Variants in HMBOX1 observed in about 807,000 individuals in gnomAD.
HMBOX1 encodes the protein homeobox containing 1.
In HMBOX1, 14 loss-of-function variants were observed where a neutral mutation model predicts 54.5. That is an observed-to-expected ratio of 0.26 (90% CI 0.17 to 0.40). The LOEUF (loss-of-function observed/expected upper bound fraction) is 0.40. HMBOX1 is among the 10% of genes least tolerant of loss of function. The probability of loss-of-function intolerance (pLI) is 1.00; values close to 1 mark genes in which losing one functional copy is unlikely to be tolerated. For synonymous variants in HMBOX1, 160 were observed against 181.0 expected (o/e 0.88, Z 0.93); for missense variants, 332 against 514.4 (o/e 0.65, Z 3.43).
intron 5 of HMBOX1, among the ~76,000 whole-genome samples, chr8:29,011,271 C>T (rs1834188138): frequency 1.3e-5 from 2 of 152,012 alleles, no homozygotes; most frequent in South Asian, 2.1e-4. Context: ...CTAATATTGC[C>T]GCATATTAAG....
chr8:28,970,029 CTCT>C lies in HMBOX1; in HGVS notation c.24-12_24-10del. ...TGTCAATAAAGAGACTTCTTTTTAT[CTCT>C]TTTTTTTTAGTTTGCTGGAAACCAT... On this transcript the variant is annotated splice_polypyrimidine_tract_variant and intron_variant, in intron 2 of 9. Transcript: ENST00000287701. This position sits in a 1 kb window ranked among gnomAD's most constrained non-coding sequence, Gnocchi z 4.3. 6.6e-7 allele frequency: 1 copy of C among 1,506,918 alleles called. No homozygotes were observed. Among genetic ancestry groups the C allele is most frequent in the Non-Finnish European group, 9.2e-7 (1 of 1,091,158 alleles). 93.3% of individuals were successfully genotyped at this position (1,506,918 alleles called of 1,614,324 possible).
At chr8:28,957,091 T>A (rs988634369) in intron 1 of HMBOX1, among the ~76,000 whole-genome samples, 3 of 152,130 alleles carry the variant, frequency 2.0e-5, no homozygotes, top group Non-Finnish European at 4.4e-5. Context: ...AATATATTGT[T>A]CTACCAAAAA....
At chr8:28,904,506 C>T (rs1257976971) in intron 1 of HMBOX1, among the ~76,000 whole-genome samples, 4 of 152,212 alleles carry the variant, frequency 2.6e-5, no homozygotes, top group Non-Finnish European at 5.9e-5. Flanking sequence ...GCTGGGATTA[C>T]AGGCGTGAGC....
chr8:29,034,551 T>C (rs1028790547), intron 6 of HMBOX1, among the ~76,000 whole-genome samples: 1 of 152,196 alleles, frequency 6.6e-6, no homozygotes, highest in Non-Finnish European at 1.5e-5. Context: ...TCAGAATTAA[T>C]TTGGCTTTTC....
At chr8:29,042,652 CCT>C (rs1461246613) in intron 6 of HMBOX1, 1 of 456,104 alleles carries the variant, frequency 2.2e-6, no homozygotes, top group South Asian at 1.5e-5. Flanking sequence ...CACTTGGTCC[CCT>C]GAGAGAAGGA....
At chr8:28,974,289 G>A (rs934873477) in intron 3 of HMBOX1, among the ~76,000 whole-genome samples, 1 of 152,074 alleles carries the variant, frequency 6.6e-6, no homozygotes, top group African/African-American at 2.4e-5. Context: ...TTTTAGGAAG[G>A]ACTTTAAAGC....
intron 1 of HMBOX1, among the ~76,000 whole-genome samples, chr8:28,954,887 T>C (rs1374910945): frequency 6.6e-6 from 1 of 152,192 alleles, no homozygotes; most frequent in African/African-American, 2.4e-5. Context: ...CTGTACCTTA[T>C]ACAGTAATTA....
At chr8:29,006,202 A>G (rs2132796290) in intron 4 of HMBOX1, among the ~76,000 whole-genome samples, 1 of 152,088 alleles carries the variant, frequency 6.6e-6, no homozygotes, top group South Asian at 2.1e-4. Context: ...CATATTGGTC[A>G]GGCTGTTGTG....
intron 6 of HMBOX1, among the ~76,000 whole-genome samples, chr8:29,038,044 T>C (rs1314720457): frequency 6.6e-6 from 1 of 152,328 alleles, no homozygotes; most frequent in East Asian, 1.9e-4. Context: ...CAGAAGAACA[T>C]GTTCATTTAC....
rs367593501 is a variant in HMBOX1 at position 28,898,399 on chromosome 8, C to G, written c.-58+7721C>G. 4.6e-5 allele frequency among the ~76,000 whole-genome samples: 7 copies of G among 152,128 alleles called. No homozygotes were observed. The East Asian group carries it at 1.4e-3, about 29-fold the overall frequency. ...TTTTTTCCTCCTTGGATTTATGTTT[C>G]TAGCTTTCTATTTGTCTTGGTGTAC... is the stretch of plus-strand genomic sequence containing the variant. On this transcript the variant is annotated intron_variant, in intron 1 of 9. Coordinates refer to ENST00000287701, the MANE Select transcript of HMBOX1 (RefSeq NM_001135726.3).
chr8:29,012,567 TC>T lies in HMBOX1; in HGVS notation c.697+3386del, dbSNP rs1834356472. On this transcript the variant is annotated intron_variant, in intron 5 of 9. Coordinates refer to ENST00000287701, the MANE Select transcript of HMBOX1 (RefSeq NM_001135726.3). Reference sequence around the variant, plus strand: ...ACACACATACACATGTATATGCTTATCTAAGCATAGAAATCTCTGAAAAGCT... The same window carrying T: ...ACACACATACACATGTATATGCTTATTAAGCATAGAAATCTCTGAAAAGCT... 3.3e-5 allele frequency among the ~76,000 whole-genome samples: 5 copies of T among 152,342 alleles called. No homozygotes were observed. In the South Asian group the frequency reaches 1.0e-3, roughly 32 times the overall value.
intron 1 of HMBOX1, among the ~76,000 whole-genome samples, chr8:28,900,271 A>AAATATATAT (rs747317282): frequency 0.012 from 840 of 70,346 alleles, 11 homozygotes; most frequent in Admixed American, 0.019. Context: ...AAAAAAAAAA[A>AAATATATAT]ATATATATAT....
chr8:29,002,614 A>G (rs980802740), intron 4 of HMBOX1, among the ~76,000 whole-genome samples: 5 of 152,188 alleles, frequency 3.3e-5, no homozygotes, highest in Non-Finnish European at 7.3e-5. Flanking sequence ...CTGTTTTTGT[A>G]TAATGCTTTT....
In HMBOX1 at chr8:29,051,818, G is replaced by A. The variant is rs2133419549; in HGVS notation, c.*663G>A. 1 of 465,386 alleles carries A rather than the reference G, an allele frequency of 2.1e-6. No individual in the cohort carries two copies. The highest frequency in any genetic ancestry group is 3.9e-6 in the Non-Finnish European group (1 of 254,400). 28.8% of individuals were successfully genotyped at this position (465,386 alleles called of 1,614,324 possible). A position where few individuals can be genotyped will look rare whatever the true frequency, so the allele number is the denominator to read the frequency against. ...ACACAGACATCCTTTCCTCTCACAA[G>A]CTGTGTGACTTAGTAGATAAAATAC... is the stretch of plus-strand genomic sequence containing the variant. On this transcript the variant is annotated 3_prime_UTR_variant, in exon 10 of 10. Transcript: ENST00000287701.
intron 5 of HMBOX1, among the ~76,000 whole-genome samples, chr8:29,016,160 T>G (rs1188416826): frequency 6.6e-6 from 1 of 152,174 alleles, no homozygotes; most frequent in Non-Finnish European, 1.5e-5. Flanking sequence ...TTTGACTGTA[T>G]TAAAATTAAG....
intron 1 of HMBOX1, among the ~76,000 whole-genome samples, chr8:28,958,983 A>G (rs957511440): frequency 1.3e-5 from 2 of 152,180 alleles, no homozygotes; most frequent in African/African-American, 4.8e-5. Context: ...GACCCCCCTT[A>G]TCCACCGGGA....
intron 1 of HMBOX1, among the ~76,000 whole-genome samples, chr8:28,952,274 C>T (rs887637879): frequency 2.0e-5 from 3 of 152,036 alleles, no homozygotes; most frequent in African/African-American, 7.2e-5. Flanking sequence ...CTCACTGTCA[C>T]CCACGCTGGA....
rs770884110 is a variant in HMBOX1 at position 28,970,137 on chromosome 8, A to G, written c.118A>G (p.Lys40Glu). 3.1e-6 allele frequency: 5 copies of G among 1,613,994 alleles called. No individual in the cohort carries two copies. In the Admixed American group the frequency reaches 5.0e-5, roughly 16 times the overall value. ...GCGACTTCGGCGTACTGGAATGACTAAACATGAAATTCTCCATGCCTTGGA... is the reference window on the plus strand; with the variant it reads ...GCGACTTCGGCGTACTGGAATGACTGAACATGAAATTCTCCATGCCTTGGA... Reference protein sequence around the residue: ...LQRLRRTGMTKHEILHALETL... With the variant: ...LQRLRRTGMTEHEILHALETL... Residue 40 changes from lysine (K) to glutamate (E), a missense_variant, in exon 3 of 10, where the codon AAA becomes GAA. By Grantham distance (56) the Lys-to-Glu change is moderately conservative. Transcript: ENST00000287701. The surrounding 1 kb of genome is among the most constrained non-coding windows in gnomAD (Gnocchi z 4.3).
intron 4 of HMBOX1, among the ~76,000 whole-genome samples, chr8:28,982,806 G>C (rs892195342): frequency 3.9e-5 from 6 of 151,970 alleles, no homozygotes; most frequent in Admixed American, 6.6e-5. Flanking sequence ...TTGTGTTTGT[G>C]GTAGGCGGGG....
Sources: allele counts gnomAD v4.1 joint callset (sites outside exome capture counted in the v4.1 genomes callset), GRCh38; gene constraint gnomAD v4.1.1; non-coding constraint Gnocchi (gnomAD v3.1); transcripts MANE v1.5; gene names NCBI Gene and HGNC (gene_info 2026-07-23, HGNC 2026-07-21).